The following PTPRK variants were observed in gnomAD, a reference collection of about 807,000 sequenced individuals.
PTPRK encodes protein tyrosine phosphatase receptor type K.
Under a neutral mutation model 178.0 loss-of-function variants are expected in PTPRK, and 75 were observed. The observed-to-expected ratio is 0.42, with a 90% CI of 0.35 to 0.51. The LOEUF (loss-of-function observed/expected upper bound fraction) is 0.51. Among genes scored for constraint, PTPRK ranks in the 20% least tolerant of loss-of-function variants. PTPRK has a pLI of 0.02. For missense variants in PTPRK, 1,441 were observed against 1,797.8 expected (o/e 0.80, Z 3.59); for synonymous variants, 637 against 620.6 (o/e 1.03, Z -0.39).
intron 1 of PTPRK, among the ~76,000 whole-genome samples, chr6:128,497,131 T>G (rs959630318): frequency 2.0e-5 from 3 of 152,234 alleles, no homozygotes; most frequent in Non-Finnish European, 4.4e-5. Context: ...ATGACTATAT[T>G]CTATACTACC....
chr6:128,258,449 C>T (rs1047349438), intron 3 of PTPRK, among the ~76,000 whole-genome samples: 1 of 152,094 alleles, frequency 6.6e-6, no homozygotes. Context: ...CCAGAAAAAT[C>T]CAAGGCACTG....
At chr6:128,039,438 T>C (rs917417396) in intron 13 of PTPRK, among the ~76,000 whole-genome samples, 5 of 152,152 alleles carry the variant, frequency 3.3e-5, no homozygotes, top group Admixed American at 6.6e-5. Context: ...TAAGTAAATA[T>C]ATAACGAATG....
chr6:128,176,909 A>C (rs1268256922), intron 7 of PTPRK, among the ~76,000 whole-genome samples: 1 of 151,676 alleles, frequency 6.6e-6, no homozygotes, highest in African/African-American at 2.4e-5. Context: ...TGCTAATAAT[A>C]CCTAGGATGG....
intron 1 of PTPRK, among the ~76,000 whole-genome samples, chr6:128,456,006 GA>G (rs1188747401): frequency 3.3e-5 from 5 of 152,040 alleles, no homozygotes; most frequent in Admixed American, 1.3e-4. Context: ...TTAATAGACA[GA>G]ACCAGGGAAT....
In PTPRK at chr6:128,322,199, A is replaced by C; in HGVS notation, c.335T>G (p.Leu112Ter). 1 of 1,613,852 alleles carries C rather than the reference A, an allele frequency of 6.2e-7. No homozygotes were observed. The highest frequency in any genetic ancestry group is 8.5e-7 in the Non-Finnish European group (1 of 1,179,826). ...AGGATTCAGTCCTTTCTGGCTATAT[A>C]ATAGGTAACTGAAATCAATGCAGTG... ...DTHCIDFSYL[L>*]YSQKGLNPGT... The change falls in exon 3 of 30, where the codon TTA becomes TGA. Residue 112 changes from leucine (L) to a stop codon, truncating the protein, a stop_gained. Coordinates refer to ENST00000368226, the MANE Select transcript of PTPRK (RefSeq NM_002844.4). LOFTEE classifies it high-confidence loss of function.
At chr6:127,999,672 C>T (rs1313043509) in intron 15 of PTPRK, among the ~76,000 whole-genome samples, 1 of 152,028 alleles carries the variant, frequency 6.6e-6, no homozygotes, top group African/African-American at 2.4e-5. Context: ...CTTTATGTTC[C>T]CATGACCTCT....
At chr6:128,149,399 G>A (rs907891185) in intron 7 of PTPRK, among the ~76,000 whole-genome samples, 3 of 151,986 alleles carry the variant, frequency 2.0e-5, no homozygotes, top group Non-Finnish European at 4.4e-5. Flanking sequence ...AACCTGAAAT[G>A]TACTAAAATG....
At chr6:128,074,929 T>C (rs906121518) in intron 11 of PTPRK, among the ~76,000 whole-genome samples, 3 of 152,030 alleles carry the variant, frequency 2.0e-5, no homozygotes, top group African/African-American at 7.2e-5. Context: ...ACTCCTCTTT[T>C]CATAGAGAGA....
chr6:128,004,547 C>T (rs1397831307), intron 15 of PTPRK, among the ~76,000 whole-genome samples: 2 of 151,740 alleles, frequency 1.3e-5, no homozygotes, highest in African/African-American at 4.8e-5. Context: ...TACTTTTGGA[C>T]TTCACACCAG....
chr6:128,233,068 A>G (rs779130857), intron 5 of PTPRK, among the ~76,000 whole-genome samples: 1 of 152,274 alleles, frequency 6.6e-6, no homozygotes, highest in Admixed American at 6.5e-5. Flanking sequence ...CATTATAATA[A>G]GTGGAAAATT....
At chr6:128,139,095 A>C (rs1002781212) in intron 7 of PTPRK, among the ~76,000 whole-genome samples, 4 of 152,072 alleles carry the variant, frequency 2.6e-5, no homozygotes, top group Admixed American at 2.6e-4. Context: ...ACAGCGAGGA[A>C]TGAAAGAGAA....
At position 128,210,821 on chromosome 6, in the gene PTPRK, T is replaced by C. The variant is rs531507589; in HGVS notation, c.868+8101A>G. ...ATGAAAATCCAGGGGCAATCAGCAA[T>C]ACGTAAATAACCAGGTGGGTAAAAT... On this transcript the variant is annotated intron_variant, in intron 6 of 29. Transcript: ENST00000368226. 3.9e-5 allele frequency among the ~76,000 whole-genome samples: 6 copies of C among 152,168 alleles called. No homozygotes were observed. In the South Asian group the frequency reaches 1.2e-3, roughly 32 times the overall value.
At chr6:128,062,424 G>A (rs895635477) in intron 13 of PTPRK, 1 of 161,920 alleles carries the variant, frequency 6.2e-6, no homozygotes, top group African/African-American at 2.5e-5. Context: ...GTGGAAAAAT[G>A]CTAAAGGTTC....
At chr6:128,154,849 C>A (rs905026026) in intron 7 of PTPRK, among the ~76,000 whole-genome samples, 1 of 151,582 alleles carries the variant, frequency 6.6e-6, no homozygotes, top group African/African-American at 2.4e-5. Flanking sequence ...ATTAAACATA[C>A]AGAAAAGTAG....
intron 7 of PTPRK, among the ~76,000 whole-genome samples, chr6:128,148,600 A>C (rs1185523277): frequency 1.3e-5 from 2 of 152,084 alleles, no homozygotes; most frequent in Non-Finnish European, 2.9e-5. Context: ...GCATTTTATT[A>C]TTCCTTTCCT....
intron 7 of PTPRK, among the ~76,000 whole-genome samples, chr6:128,119,622 A>G (rs1243292611): frequency 1.3e-5 from 2 of 152,052 alleles, no homozygotes; most frequent in East Asian, 3.9e-4. Context: ...TTACTCAAGG[A>G]CCAAATTGGC....
chr6:128,493,656 A>G (rs1300048353), intron 1 of PTPRK, among the ~76,000 whole-genome samples: 1 of 150,782 alleles, frequency 6.6e-6, no homozygotes, highest in East Asian at 2.0e-4. Context: ...AGAAACAACT[A>G]TACTTATACT....
rs200769825 is a variant in PTPRK, at chr6:127,979,117, TA to T, written c.3711+1998del. Among the ~76,000 whole-genome samples the T allele has an allele frequency of 2.6e-3, 391 of 149,260 alleles. 2 individuals carry two copies. The highest frequency in any genetic ancestry group is 8.4e-3 in the African/African-American group (341 of 40,788). On this transcript the variant is annotated intron_variant, in intron 25 of 29. Transcript: ENST00000368226. ...AAGACCCCATCTTTACAAAAAATAATAAAAAAAAAATTAGCTGGGCATGATG... is the reference window on the plus strand; with the variant it reads ...AAGACCCCATCTTTACAAAAAATAATAAAAAAAAATTAGCTGGGCATGATG...
At chr6:128,224,001 C>G (rs17055461) in intron 5 of PTPRK, among the ~76,000 whole-genome samples, 1 of 152,084 alleles carries the variant, frequency 6.6e-6, no homozygotes, top group African/African-American at 2.4e-5. Flanking sequence ...TGGCTTCCAA[C>G]GATTCATTAG....
Sources: gnomAD v4.1 joint callset for allele counts (sites outside exome capture counted in the v4.1 genomes callset) on GRCh38, gnomAD v4.1.1 for gene constraint, MANE v1.5 for transcripts, NCBI Gene and HGNC (gene_info 2026-07-23, HGNC 2026-07-21) for gene names.